The following FSCN1 variants were observed in gnomAD, a reference collection of about 807,000 sequenced individuals.
FSCN1 encodes the protein fascin actin-bundling protein 1, also known as fascin.
Under a neutral mutation model 39.7 loss-of-function variants are expected in FSCN1, and 10 were observed. That is an observed-to-expected ratio of 0.25 (90% CI 0.16 to 0.43). The LOEUF is 0.43. Ranked by LOEUF, FSCN1 falls within the 20% of genes least tolerant of loss-of-function variation. The pLI is 1.00. For synonymous variants in FSCN1, 322 were observed against 320.0 expected (o/e 1.01, Z -0.07); for missense variants, 525 against 723.8 (o/e 0.73, Z 3.15).
intron 1 of FSCN1, among the ~76,000 whole-genome samples, chr7:5,602,163 C>T (rs967267908): frequency 6.6e-6 from 1 of 151,528 alleles, no homozygotes; most frequent in African/African-American, 2.4e-5. Flanking sequence ...GCCTTGGCCT[C>T]CCAAACTGCT....
chr7:5,597,650 A>G (rs1171160056), intron 1 of FSCN1, among the ~76,000 whole-genome samples: 1 of 152,016 alleles, frequency 6.6e-6, no homozygotes, highest in Non-Finnish European at 1.5e-5. Flanking sequence ...CTGGGCAACA[A>G]GAGTGAAACT....
chr7:5,598,052 G>C (rs1177008266), intron 1 of FSCN1, among the ~76,000 whole-genome samples: 1 of 152,228 alleles, frequency 6.6e-6, no homozygotes, highest in African/African-American at 2.4e-5. Flanking sequence ...TGCTCTACTG[G>C]GGGGACGACA....
In FSCN1 at chr7:5,603,999, G is replaced by A; in HGVS notation, c.1248G>A (p.Leu416=). ...ANRSSYDVFQ[L]EFNDGAYNIK... ...GCTCCAGCTATGACGTCTTCCAGCT[G>A]GAGTTCAACGATGGCGCCTACAACA... The change falls in exon 4 of 5, where the codon CTG becomes CTA. Residue 416 remains leucine, a synonymous_variant. Transcript: ENST00000382361. This position sits in a 1 kb window ranked among gnomAD's most constrained non-coding sequence, Gnocchi z 8.5. The A allele has an allele frequency of 6.2e-7, 1 of 1,613,862 alleles. No homozygotes were observed. Among genetic ancestry groups the A allele is most frequent in the African/African-American group, 1.3e-5 (1 of 75,054 alleles).
chr7:5,605,090 C>A lies in FSCN1; in HGVS notation c.1280-182C>A, dbSNP rs1785910175. ...GGCCGAGCAGAACACGTTCTAGGACCCTTGTTCATGTGTCCATCATGGACA... is the reference window on the plus strand; with the variant it reads ...GGCCGAGCAGAACACGTTCTAGGACACTTGTTCATGTGTCCATCATGGACA... On this transcript the variant is annotated intron_variant, in intron 4 of 4. Coordinates refer to ENST00000382361, the MANE Select transcript of FSCN1 (RefSeq NM_003088.4). The surrounding 1 kb of genome is among the most constrained non-coding windows in gnomAD (Gnocchi z 6.9). Among the ~76,000 whole-genome samples, 1 of 152,202 alleles carries A rather than the reference C, an allele frequency of 6.6e-6. No individual in the cohort carries two copies. Among genetic ancestry groups the A allele is most frequent in the South Asian group, 2.1e-4 (1 of 4,834 alleles).
In FSCN1 at chr7:5,592,869, G is replaced by C. The variant is rs1358966709; in HGVS notation, c.-68G>C. On this transcript the variant is annotated 5_prime_UTR_variant, in exon 1 of 5. Coordinates refer to ENST00000382361, the MANE Select transcript of FSCN1 (RefSeq NM_003088.4). This position sits in a 1 kb window ranked among gnomAD's most constrained non-coding sequence, Gnocchi z 5.3. ...CCGCGGCAGCCGAACAAAGGAGCAG[G>C]GGCGCCGCCGCAGGGACCCGCCACC... The C allele has an allele frequency of 1.0e-6, 1 of 955,860 alleles. No homozygotes were observed. The highest frequency in any genetic ancestry group is 1.7e-5 in the African/African-American group (1 of 59,366). The allele number at this position is 955,860 out of a possible 1,614,324, so 59.2% of individuals were successfully genotyped here.
Position 5,602,230 on chromosome 7 carries a change from T to G in FSCN1, c.833-1027T>G, listed in dbSNP as rs868255832. ...CCCTTTTTTTTTTTTTTAAGTAGGG[T>G]CTTGCTAAGTTGTCCAGGCTGGTCT... On this transcript the variant is annotated intron_variant, in intron 1 of 4. Transcript: ENST00000382361. 4.0e-5 allele frequency among the ~76,000 whole-genome samples: 6 copies of G among 148,638 alleles called. No homozygotes were observed. The Middle Eastern group carries it at 0.01, about 255-fold the overall frequency.
At chr7:5,593,977 C>G in intron 1 of FSCN1, 1 of 557,438 alleles carries the variant, frequency 1.8e-6, no homozygotes, top group Non-Finnish European at 3.1e-6. Context: ...TGCCCACCTC[C>G]CACCCCGGGC....
intron 1 of FSCN1, among the ~76,000 whole-genome samples, chr7:5,597,064 G>A (rs1167478325): frequency 6.6e-6 from 1 of 152,216 alleles, no homozygotes; most frequent in Admixed American, 6.5e-5. Context: ...TGGTTCAGAA[G>A]GCCAGGCACA....
intron 1 of FSCN1, among the ~76,000 whole-genome samples, chr7:5,597,845 G>A (rs1238043085): frequency 2.0e-5 from 3 of 152,096 alleles, no homozygotes; most frequent in African/African-American, 7.2e-5. Context: ...GAAGGAGGAG[G>A]GAGAGGTACC....
At chr7:5,598,893 C>T (rs1227632992) in intron 1 of FSCN1, among the ~76,000 whole-genome samples, 1 of 152,240 alleles carries the variant, frequency 6.6e-6, no homozygotes, top group East Asian at 1.9e-4. Flanking sequence ...AGGGTGCGGC[C>T]CCTGCCTGTA....
intron 1 of FSCN1, among the ~76,000 whole-genome samples, chr7:5,597,241 C>T (rs1319299660): frequency 3.3e-5 from 5 of 152,186 alleles, no homozygotes; most frequent in African/African-American, 7.2e-5. Flanking sequence ...TGGTGATGCA[C>T]GCCTGTCGTC....
chr7:5,604,088 A>T, intron 4 of FSCN1, 58 bp downstream of exon 4: 2 of 1,532,846 alleles, frequency 1.3e-6, no homozygotes, highest in Non-Finnish European at 1.8e-6. Flanking sequence ...GGCTGGGGTC[A>T]GTGCTGCGGG....
intron 4 of FSCN1, among the ~76,000 whole-genome samples, chr7:5,604,844 C>A (rs1026559741): frequency 6.6e-6 from 1 of 151,998 alleles, no homozygotes; most frequent in Non-Finnish European, 1.5e-5. Flanking sequence ...ACCATGTTGT[C>A]CAGGCTGGTC....
At chr7:5,597,955 T>G (rs970460506) in intron 1 of FSCN1, among the ~76,000 whole-genome samples, 12 of 150,884 alleles carry the variant, frequency 8.0e-5, no homozygotes, top group Non-Finnish European at 1.3e-4. Flanking sequence ...AAAAGAAAAA[T>G]CCTGAAGAAA....
In FSCN1 at chr7:5,603,629, G is replaced by C. The variant is rs538623964; in HGVS notation, c.1111+12G>C. 2 of 1,613,988 alleles carry C rather than the reference G, an allele frequency of 1.2e-6. No homozygotes were observed. Among genetic ancestry groups the C allele is most frequent in the South Asian group, 2.2e-5 (2 of 91,086 alleles). ...GGTGGAGACAGCAGGTAACACTAAAGCCCCAGTTCCCTGGAGCCGTCCTGG... is the reference window on the plus strand; with the variant it reads ...GGTGGAGACAGCAGGTAACACTAAACCCCCAGTTCCCTGGAGCCGTCCTGG... On this transcript the variant is annotated intron_variant, in intron 3 of 4. Coordinates refer to ENST00000382361, the MANE Select transcript of FSCN1 (RefSeq NM_003088.4). The surrounding 1 kb of genome is among the most constrained non-coding windows in gnomAD (Gnocchi z 8.5).
intron 1 of FSCN1, among the ~76,000 whole-genome samples, chr7:5,596,461 A>G (rs1006545229): frequency 6.6e-6 from 1 of 152,100 alleles, no homozygotes; most frequent in African/African-American, 2.4e-5. Flanking sequence ...AGCCCTTCAC[A>G]CCAGAGGCTG....
chr7:5,597,534 G>A (rs1283589014), intron 1 of FSCN1, among the ~76,000 whole-genome samples: 1 of 151,648 alleles, frequency 6.6e-6, no homozygotes, highest in African/African-American at 2.4e-5. Context: ...GGGCGTGGTG[G>A]CGCATGCCTG....
In FSCN1 at chr7:5,603,131, GA is replaced by G. The variant is rs1301872290; in HGVS notation, c.833-125del. 5 of 1,034,436 alleles carry G rather than the reference GA, an allele frequency of 4.8e-6. No homozygotes were observed. Among genetic ancestry groups the G allele is most frequent in the Non-Finnish European group, 7.2e-6 (5 of 694,534 alleles). 64.1% of individuals were successfully genotyped at this position (1,034,436 alleles called of 1,614,324 possible). ...TGCTTCTCATGTGTGCCACTGTGGG[GA>G]CTCGGCCGCCCACCCCACCCCGTGG... On this transcript the variant is annotated intron_variant, in intron 1 of 4. Transcript: ENST00000382361. This position sits in a 1 kb window ranked among gnomAD's most constrained non-coding sequence, Gnocchi z 8.5.
intron 1 of FSCN1, among the ~76,000 whole-genome samples, chr7:5,595,610 G>A (rs746397092): frequency 1.3e-5 from 2 of 151,632 alleles, no homozygotes; most frequent in African/African-American, 2.4e-5. Context: ...GGCAGGTATG[G>A]GGGGGGTGCT....
Sources: gnomAD v4.1 joint callset for allele counts (sites outside exome capture counted in the v4.1 genomes callset) on GRCh38, gnomAD v4.1.1 for gene constraint, Gnocchi (gnomAD v3.1) non-coding constraint, MANE v1.5 for transcripts, NCBI Gene and HGNC (gene_info 2026-07-23, HGNC 2026-07-21) for gene names.